The following STX2 variants were observed in gnomAD, a reference collection of about 807,000 sequenced individuals.
STX2 encodes syntaxin-2.
Under a neutral mutation model 40.6 loss-of-function variants are expected in STX2, and 27 were observed. That is an observed-to-expected ratio of 0.66 (90% CI 0.49 to 0.92). The LOEUF (loss-of-function observed/expected upper bound fraction) is 0.92, where lower values mean the gene tolerates loss of function less well. Among genes scored for constraint, STX2 ranks in the 40% least tolerant of loss-of-function variants. The pLI is 0.00. For synonymous variants in STX2, 123 were observed against 119.1 expected, an observed-to-expected ratio of 1.03 and a Z score of -0.22; for missense variants, 328 against 366.1, an observed-to-expected ratio of 0.90 and a Z score of 0.85.
intron 2 of STX2, among the ~76,000 whole-genome samples, chr12:130,826,982 C>G (rs2136335844): frequency 6.7e-6 from 1 of 150,102 alleles, no homozygotes. Context: ...GCACTCCAGC[C>G]TGGGCAACAG....
Position 130,818,178 on chromosome 12 carries a change from AAAAAAAAATATATATAT to A in STX2, c.205+3494_205+3510del, listed in dbSNP as rs1031158845. On this transcript the variant is annotated intron_variant, in intron 3 of 10. Coordinates refer to ENST00000392373, the MANE Select transcript of STX2 (RefSeq NM_194356.4). ...GAGAAACGCTGTTTCTACAAAAAAA[AAAAAAAAATATATATAT>A]ATATATATATATATATATATATAAA... Among the ~76,000 whole-genome samples the A allele has an allele frequency of 1.4e-4, 5 of 35,568 alleles. 1 individual carries two copies. The highest frequency in any genetic ancestry group is 3.9e-4 in the African/African-American group (5 of 12,930). The allele number at this position is 35,568 out of a possible 152,430, so 23.3% of individuals were successfully genotyped here.
chr12:130,821,123 C>T (rs1040322083), intron 3 of STX2, among the ~76,000 whole-genome samples: 1 of 152,196 alleles, frequency 6.6e-6, no homozygotes, highest in African/African-American at 2.4e-5. Flanking sequence ...CCACTGAGCT[C>T]CTTTCACTCT....
In STX2 at chr12:130,806,998, C is replaced by T. The variant is rs1951459382; in HGVS notation, c.447G>A (p.Gln149=). 1.2e-6 allele frequency: 2 copies of T among 1,614,188 alleles called. No individual in the cohort carries two copies. Among genetic ancestry groups the T allele is most frequent in the East Asian group, 4.5e-5 (2 of 44,872 alleles). The change falls in exon 6 of 11, where the codon CAG becomes CAA. Residue 149 remains glutamine, a synonymous_variant. Transcript: ENST00000392373. ...ATTACTCACTTATCTCCAGCTGGCG[C>T]TGGATGCGGCCTTTGCTCCGCTCCC... is the stretch of plus-strand genomic sequence containing the variant. ...LFRERSKGRI[Q]RQLEITGRTT...
At chr12:130,828,031 C>T (rs924722001) in intron 1 of STX2, among the ~76,000 whole-genome samples, 1 of 152,170 alleles carries the variant, frequency 6.6e-6, no homozygotes, top group African/African-American at 2.4e-5. Flanking sequence ...CAGCCTCCTC[C>T]CCAGCAGCCC....
At chr12:130,798,250 CA>C (rs5801935) in intron 9 of STX2, 122,393 of 147,278 alleles carry the variant, frequency 0.83, 50,571 homozygotes, top group Admixed American at 0.93. Context: ...AACTCCAATT[CA>C]AAAAAAAAAA....
At chr12:130,838,991 C>CA in intron 1 of STX2, 79 bp downstream of exon 1, 1 of 1,153,952 alleles carries the variant, frequency 8.7e-7, no homozygotes, top group Non-Finnish European at 1.1e-6. Context: ...GAGCCCCGCC[C>CA]AAGACGCCCC....
intron 1 of STX2, among the ~76,000 whole-genome samples, chr12:130,833,995 T>G (rs1349407281): frequency 6.6e-6 from 1 of 152,134 alleles, no homozygotes; most frequent in Non-Finnish European, 1.5e-5. Context: ...ACTGCATCTG[T>G]GTCCAGAATG....
intron 10 of STX2, among the ~76,000 whole-genome samples, chr12:130,792,231 T>C (rs59917163): frequency 0.051 from 7,785 of 152,110 alleles, 624 homozygotes; most frequent in African/African-American, 0.17. Flanking sequence ...CAGCTAATTT[T>C]TGTATTTTTA....
At chr12:130,816,738 G>A (rs1238977622) in intron 3 of STX2, among the ~76,000 whole-genome samples, 1 of 152,170 alleles carries the variant, frequency 6.6e-6, no homozygotes, top group Non-Finnish European at 1.5e-5. Flanking sequence ...CAGGAAAGAA[G>A]ACTCAGAAGA....
At chr12:130,837,139 ACT>A (rs1352842133) in intron 1 of STX2, among the ~76,000 whole-genome samples, 1 of 146,322 alleles carries the variant, frequency 6.8e-6, no homozygotes, top group African/African-American at 2.6e-5. Context: ...ACAATGTCTC[ACT>A]CTGTCACCCA....
intron 1 of STX2, among the ~76,000 whole-genome samples, chr12:130,836,691 A>G (rs963137672): frequency 6.6e-6 from 1 of 152,216 alleles, no homozygotes; most frequent in South Asian, 2.1e-4. Flanking sequence ...ACATTAGATA[A>G]TTTTATGCTT....
At chr12:130,824,557 T>C (rs1210559894) in intron 2 of STX2, among the ~76,000 whole-genome samples, 1 of 152,142 alleles carries the variant, frequency 6.6e-6, no homozygotes, top group African/African-American at 2.4e-5. Flanking sequence ...ACCCTGTACC[T>C]AGACAGGCAC....
At chr12:130,806,820 G>A (rs1951452132) in intron 6 of STX2, among the ~76,000 whole-genome samples, 162 bp downstream of exon 6, 1 of 152,232 alleles carries the variant, frequency 6.6e-6, no homozygotes, top group Non-Finnish European at 1.5e-5. Context: ...GGAAGAACAG[G>A]TTTGCCTGAC....
intron 2 of STX2, 74 bp from the exon 3 acceptor site, chr12:130,821,862 A>T: frequency 4.9e-6 from 4 of 823,444 alleles, no homozygotes; most frequent in African/African-American, 1.7e-5. Context: ...TAAAAGGGGA[A>T]GAATAAAGGA....
chr12:130,809,568 G>A (rs141442154), intron 4 of STX2, among the ~76,000 whole-genome samples: 172 of 152,330 alleles, frequency 1.1e-3, no homozygotes, highest in African/African-American at 3.8e-3. Flanking sequence ...TGTAATCCTA[G>A]CACTTTGGGA....
chr12:130,801,512 C>T, intron 6 of STX2, 24 bp from the exon 7 acceptor site: 2 of 1,577,186 alleles, frequency 1.3e-6, no homozygotes, highest in Non-Finnish European at 8.6e-7. Context: ...AACCACAGCC[C>T]CACTCAGAAT....
chr12:130,837,455 G>C (rs10848212), intron 1 of STX2, among the ~76,000 whole-genome samples: 70,963 of 151,988 alleles, frequency 0.47, 20,000 homozygotes, highest in East Asian at 0.87. Context: ...CATGACATCC[G>C]GCTATTTTAG....
In STX2 at chr12:130,839,142, C is replaced by G. The variant is rs1180294021; in HGVS notation, c.-43G>C. The stretch of plus-strand genomic sequence containing the variant: ...CGCGCCCCGCCGCTCAAGCCTGTCC[C>G]GAGCTGCCTCCGGCCGGGCCTCGGG... On this transcript the variant is annotated 5_prime_UTR_variant, in exon 1 of 11. Coordinates refer to ENST00000392373, the MANE Select transcript of STX2 (RefSeq NM_194356.4). 1 of 1,184,138 alleles carries G rather than the reference C, an allele frequency of 8.4e-7. No homozygotes were observed. Among genetic ancestry groups the G allele is most frequent in the Non-Finnish European group, 1.0e-6 (1 of 956,608 alleles). 73.4% of individuals were successfully genotyped at this position (1,184,138 alleles called of 1,614,324 possible). A position where few individuals can be genotyped will look rare whatever the true frequency, so the allele number is the denominator to read the frequency against.
At position 130,813,020 on chromosome 12, in the gene STX2, C is replaced by G. The variant is rs757255713; in HGVS notation, c.217G>C (p.Glu73Gln). 14 of 1,518,324 alleles carry G rather than the reference C, an allele frequency of 9.2e-6. No individual in the cohort carries two copies. Among genetic ancestry groups the G allele is most frequent in the Non-Finnish European group, 1.2e-5 (14 of 1,138,722 alleles). 94.1% of individuals were successfully genotyped at this position (1,518,324 alleles called of 1,614,324 possible). The part of the protein sequence containing the change: ...APNPEGKIKE[E>Q]LEDLNKEIKK... ...ATTTCTTTGTTCAGATCTTCAAGCT[C>G]TTCTTTTATTTCTATAAAAATTTAA... Residue 73 changes from glutamate to glutamine, a missense_variant, in exon 4 of 11, where the codon GAG becomes CAG. Physicochemically the swap from Glu to Gln is conservative, Grantham distance 29. Coordinates refer to ENST00000392373, the MANE Select transcript of STX2 (RefSeq NM_194356.4).
Sources: allele counts gnomAD v4.1 joint callset (sites outside exome capture counted in the v4.1 genomes callset), GRCh38; gene constraint gnomAD v4.1.1; transcripts MANE v1.5; gene names NCBI Gene and HGNC (gene_info 2026-07-23, HGNC 2026-07-21).